The following N4BP1 variants were observed in gnomAD, a reference collection of about 807,000 sequenced individuals.
The protein encoded by N4BP1 is NEDD4-binding protein 1.
In N4BP1, 21 loss-of-function variants were observed where a neutral mutation model predicts 70.9. That is an observed-to-expected ratio of 0.30 (90% confidence interval 0.21 to 0.43). The LOEUF is 0.43. Among genes scored for constraint, N4BP1 ranks in the 20% least tolerant of loss-of-function variants. The pLI is 1.00. For synonymous variants in N4BP1, 387 were observed against 394.6 expected, an observed-to-expected ratio of 0.98 and a Z score of 0.23; for missense variants, 936 against 1,069.4, an observed-to-expected ratio of 0.88 and a Z score of 1.74.
intron 1 of N4BP1, among the ~76,000 whole-genome samples, chr16:48,596,234 T>A (rs1655700617): frequency 6.6e-6 from 1 of 152,244 alleles, no homozygotes. Flanking sequence ...TAGATTTTGG[T>A]GAGCCACAAT....
chr16:48,606,602 A>C (rs1486044982), intron 1 of N4BP1, among the ~76,000 whole-genome samples: 1 of 152,222 alleles, frequency 6.6e-6, no homozygotes, highest in East Asian at 1.9e-4. Flanking sequence ...AAAAGTGGTC[A>C]CTGGTACAGA....
At chr16:48,583,366 A>G (rs762002186) in intron 1 of N4BP1, among the ~76,000 whole-genome samples, 1 of 152,226 alleles carries the variant, frequency 6.6e-6, no homozygotes, top group Non-Finnish European at 1.5e-5. Flanking sequence ...CTACAAACAG[A>G]GAGAAGAATG....
intron 2 of N4BP1, among the ~76,000 whole-genome samples, chr16:48,556,987 T>C (rs1173809816): frequency 6.6e-6 from 1 of 152,164 alleles, no homozygotes; most frequent in Non-Finnish European, 1.5e-5. Flanking sequence ...TGTCTAGCCA[T>C]ACACCACAAA....
intron 1 of N4BP1, among the ~76,000 whole-genome samples, chr16:48,578,855 T>C (rs1964136390): frequency 6.6e-6 from 1 of 152,236 alleles, no homozygotes; most frequent in Non-Finnish European, 1.5e-5. Context: ...CTGCTTTCTA[T>C]ACGTAACAGT....
chr16:48,566,726 T>C (rs1963948186), intron 1 of N4BP1, among the ~76,000 whole-genome samples: 1 of 152,200 alleles, frequency 6.6e-6, no homozygotes, highest in African/African-American at 2.4e-5. Context: ...CCTGGCTGGT[T>C]GATGGTGGTG....
chr16:48,560,745 T>C lies in N4BP1; in HGVS notation c.1889+9A>G, dbSNP rs756286855. On this transcript the variant is annotated intron_variant, in intron 2 of 6. Transcript: ENST00000262384. ...TTAAAATAAAATAATCTGCAGAGAA[T>C]GGACTTACGTAATTGCAACATTGCT... is the stretch of plus-strand genomic sequence containing the variant. The C allele has an allele frequency of 6.3e-7, 1 of 1,586,038 alleles. No individual in the cohort carries two copies. Among genetic ancestry groups the C allele is most frequent in the Non-Finnish European group, 8.6e-7 (1 of 1,168,680 alleles).
chr16:48,606,976 T>C (rs1384899856), intron 1 of N4BP1, among the ~76,000 whole-genome samples: 2 of 152,108 alleles, frequency 1.3e-5, no homozygotes, highest in African/African-American at 2.4e-5. Context: ...ATAATGGTTT[T>C]CTCCTCCTTC....
Position 48,610,092 on chromosome 16 carries a change from G to A in N4BP1, c.-120C>T. The stretch of plus-strand genomic sequence containing the variant: ...GGCCCTTCCCGGCCGCCTCGCCCCC[G>A]CCCGCGCCCCGCCGCCCGCCCTCAG... On this transcript the variant is annotated 5_prime_UTR_variant, in exon 1 of 7. Transcript: ENST00000262384. The A allele has an allele frequency of 2.3e-6, 1 of 431,610 alleles. No individual in the cohort carries two copies. Among genetic ancestry groups the A allele is most frequent in the Non-Finnish European group, 3.1e-6 (1 of 322,938 alleles). 26.7% of individuals were successfully genotyped at this position (431,610 alleles called of 1,614,324 possible). A position where few individuals can be genotyped will look rare whatever the true frequency, so the allele number is the denominator to read the frequency against.
intron 5 of N4BP1, 195 bp from the exon 6 acceptor site, chr16:48,546,449 A>C (rs1963593216): frequency 2.5e-6 from 1 of 397,118 alleles, no homozygotes. Context: ...ACACAAAAAC[A>C]ATAGTCAGAA....
At chr16:48,608,807 T>C (rs1031017670) in intron 1 of N4BP1, among the ~76,000 whole-genome samples, 7 of 151,564 alleles carry the variant, frequency 4.6e-5, no homozygotes, top group African/African-American at 1.7e-4. Context: ...ATCTACCTTA[T>C]TAGAAGCCAT....
intron 6 of N4BP1, among the ~76,000 whole-genome samples, chr16:48,543,942 TGA>T (rs1963551003): frequency 6.6e-6 from 1 of 152,020 alleles, no homozygotes; most frequent in Non-Finnish European, 1.5e-5. Context: ...AGCCACCAAG[TGA>T]GAGTGAAAAG....
intron 1 of N4BP1, among the ~76,000 whole-genome samples, chr16:48,589,627 A>G (rs1384557833): frequency 6.6e-6 from 1 of 152,146 alleles, no homozygotes; most frequent in Non-Finnish European, 1.5e-5. Flanking sequence ...TAGCTAATTA[A>G]CAAAACCCAT....
chr16:48,602,031 C>T (rs1480122475), intron 1 of N4BP1, among the ~76,000 whole-genome samples: 3 of 152,230 alleles, frequency 2.0e-5, no homozygotes, highest in African/African-American at 7.2e-5. Context: ...AAGACCAGCC[C>T]GGCCAACATG....
chr16:48,555,862 A>C (rs1963743746), intron 2 of N4BP1, among the ~76,000 whole-genome samples: 1 of 152,228 alleles, frequency 6.6e-6, no homozygotes, highest in South Asian at 2.1e-4. Context: ...CCTTGAGATA[A>C]CTGCACTGAA....
At chr16:48,605,044 T>G (rs904020376) in intron 1 of N4BP1, among the ~76,000 whole-genome samples, 3 of 152,050 alleles carry the variant, frequency 2.0e-5, no homozygotes, top group African/African-American at 7.2e-5. Flanking sequence ...TTTTTTTTTT[T>G]TTCTCAAGAC....
intron 1 of N4BP1, among the ~76,000 whole-genome samples, chr16:48,565,065 G>GT (rs1963920207): frequency 6.6e-6 from 1 of 152,182 alleles, no homozygotes; most frequent in African/African-American, 2.4e-5. Flanking sequence ...TCAAGGATCT[G>GT]TGTGTATGTG....
intron 1 of N4BP1, among the ~76,000 whole-genome samples, chr16:48,594,576 G>A (rs1252507280): frequency 1.3e-5 from 2 of 152,070 alleles, no homozygotes; most frequent in Non-Finnish European, 2.9e-5. Flanking sequence ...GCCTGGTCTT[G>A]AACTCCTGGC....
intron 1 of N4BP1, among the ~76,000 whole-genome samples, chr16:48,587,711 T>G (rs1364613389): frequency 6.6e-6 from 1 of 152,200 alleles, no homozygotes; most frequent in Non-Finnish European, 1.5e-5. Context: ...ATATCTGGAA[T>G]TACATAAGAA....
chr16:48,575,521 T>A (rs892501994), intron 1 of N4BP1, among the ~76,000 whole-genome samples: 3 of 152,316 alleles, frequency 2.0e-5, no homozygotes, highest in Admixed American at 6.5e-5. Flanking sequence ...CGGCAACTTC[T>A]ACCATTCAAA....
Sources: gnomAD v4.1 joint callset for allele counts (sites outside exome capture counted in the v4.1 genomes callset) on GRCh38, gnomAD v4.1.1 for gene constraint, MANE v1.5 for transcripts, NCBI Gene and HGNC (gene_info 2026-07-23, HGNC 2026-07-21) for gene names.